The following YAE1 variants were observed in gnomAD, a reference collection of about 807,000 sequenced individuals.
YAE1 encodes protein YAE1 homolog.
YAE1 carries 22 observed loss-of-function variants against 23.0 expected under a neutral mutation model. That is an observed-to-expected ratio of 0.96 (90% CI 0.68 to 1.37). The LOEUF (loss-of-function observed/expected upper bound fraction) is 1.37, where lower values mean the gene tolerates loss of function less well. Ranked by LOEUF, YAE1 falls within the 40% of genes most tolerant of loss-of-function variation. The pLI, the probability that YAE1 is intolerant of heterozygous loss-of-function variation, is 0.00. For synonymous variants in YAE1, 101 were observed against 97.0 expected, an observed-to-expected ratio of 1.04 and a Z score of -0.24; for missense variants, 260 against 262.1, an observed-to-expected ratio of 0.99 and a Z score of 0.06.
chr7:39,576,898 A>G (rs906079629), downstream of YAE1, among the ~76,000 whole-genome samples: 10 of 152,098 alleles, frequency 6.6e-5, no homozygotes, highest in African/African-American at 9.7e-5. Flanking sequence ...TCTTTATGTT[A>G]GCTTTTCTTT....
chr7:39,572,782 C>G lies in YAE1; in HGVS notation c.*76C>G. ...TAACAATCGAAATTTGTACTGGTTT[C>G]TGCATCAAACACCTCAACTGTAGGG... On this transcript the variant is annotated 3_prime_UTR_variant, in exon 3 of 3. Coordinates refer to ENST00000223273, the MANE Select transcript of YAE1 (RefSeq NM_020192.5). The G allele has an allele frequency of 6.7e-7, 1 of 1,497,460 alleles. No homozygotes were observed. The highest frequency in any genetic ancestry group is 8.9e-7 in the Non-Finnish European group (1 of 1,129,502). The allele number at this position is 1,497,460 out of a possible 1,614,324, so 92.8% of individuals were successfully genotyped here. A position where few individuals can be genotyped will look rare whatever the true frequency, so the allele number is the denominator to read the frequency against.
At chr7:39,576,867 C>A (rs1286548231), downstream of YAE1, among the ~76,000 whole-genome samples, 12 of 152,236 alleles carry the variant, frequency 7.9e-5, no homozygotes, top group African/African-American at 2.9e-4. Flanking sequence ...CAAAATACAT[C>A]GTGTTACATT....
intron 2 of YAE1, among the ~76,000 whole-genome samples, chr7:39,589,955 C>T (rs921728240): frequency 6.6e-6 from 1 of 152,164 alleles, no homozygotes; most frequent in East Asian, 1.9e-4. Flanking sequence ...TTCCAAAAAC[C>T]TTGGGACTTA....
intron 2 of YAE1, among the ~76,000 whole-genome samples, chr7:39,587,744 A>G (rs1790840830): frequency 6.6e-6 from 1 of 152,148 alleles, no homozygotes; most frequent in African/African-American, 2.4e-5. Context: ...CTATATTACA[A>G]TCAAGGCCTT....
chr7:39,607,378 C>A (rs368383187), intron 2 of YAE1, among the ~76,000 whole-genome samples: 2 of 152,134 alleles, frequency 1.3e-5, no homozygotes, highest in East Asian at 3.8e-4. Context: ...CACAAGAACC[C>A]TTAAAAGCGG....
intron 2 of YAE1, among the ~76,000 whole-genome samples, chr7:39,588,744 G>A (rs147010593): frequency 1.3e-3 from 200 of 151,918 alleles, no homozygotes; most frequent in Middle Eastern, 6.8e-3. Context: ...TCCCTTGCCT[G>A]CTTCCTTCTG....
At chr7:39,576,772 T>A (rs1790661872), downstream of YAE1, among the ~76,000 whole-genome samples, 1 of 151,948 alleles carries the variant, frequency 6.6e-6, no homozygotes, top group Non-Finnish European at 1.5e-5. Context: ...TGTACATAGA[T>A]GCATAGGTGG....
chr7:39,610,533 T>C (rs1791196713), downstream of YAE1, among the ~76,000 whole-genome samples: 1 of 152,234 alleles, frequency 6.6e-6, no homozygotes, highest in Admixed American at 6.5e-5. Context: ...CAAAAATACC[T>C]GGAGCAGCAG....
intron 2 of YAE1, among the ~76,000 whole-genome samples, chr7:39,589,692 G>A (rs867142696): frequency 1.3e-5 from 2 of 152,092 alleles, no homozygotes; most frequent in Admixed American, 6.6e-5. Flanking sequence ...TGTGCTTTCC[G>A]TAATTAAAGG....
intron 2 of YAE1, among the ~76,000 whole-genome samples, chr7:39,578,507 A>G (rs1237796403): frequency 6.6e-6 from 1 of 152,210 alleles, no homozygotes; most frequent in East Asian, 1.9e-4. Flanking sequence ...GTGAGCTGTA[A>G]CACTCACTGC....
downstream of YAE1, chr7:39,572,993 C>A: frequency 1.5e-6 from 1 of 664,346 alleles, no homozygotes; most frequent in Non-Finnish European, 1.9e-6. Flanking sequence ...GACTCATTAG[C>A]AAAAGTGAAC....
At chr7:39,572,004 A>G (rs13240294) in intron 2 of YAE1, among the ~76,000 whole-genome samples, 53,752 of 152,028 alleles carry the variant, frequency 0.35, 10,013 homozygotes, top group Admixed American at 0.45. Flanking sequence ...ATGTGCATCC[A>G]TGATTGAGAA....
chr7:39,609,449 T>C (rs1246931217), intron 2 of YAE1: 5 of 828,324 alleles, frequency 6.0e-6, no homozygotes, highest in Non-Finnish European at 9.2e-6. Context: ...AGTAATGATG[T>C]TATCAAATTG....
intron 1 of YAE1, 49 bp downstream of exon 1, chr7:39,566,596 C>A: frequency 1.2e-6 from 2 of 1,607,180 alleles, no homozygotes; most frequent in Non-Finnish European, 1.7e-6. Flanking sequence ...GGAAGAGGCG[C>A]GGAGTTGTGA....
At chr7:39,579,039 G>C (rs1361810502) in intron 2 of YAE1, among the ~76,000 whole-genome samples, 1 of 152,194 alleles carries the variant, frequency 6.6e-6, no homozygotes, top group East Asian at 1.9e-4. Flanking sequence ...AGGATCCCTG[G>C]TGCATAGTTC....
At chr7:39,593,527 C>T (rs1281143460) in intron 2 of YAE1, among the ~76,000 whole-genome samples, 1 of 152,138 alleles carries the variant, frequency 6.6e-6, no homozygotes, top group African/African-American at 2.4e-5. Context: ...GGTTTACAGG[C>T]ATGAGCCACT....
At chr7:39,594,797 T>C (rs1790952998) in intron 2 of YAE1, among the ~76,000 whole-genome samples, 1 of 152,118 alleles carries the variant, frequency 6.6e-6, no homozygotes, top group Non-Finnish European at 1.5e-5. Flanking sequence ...GCTTTCACCA[T>C]GTGGGCCAGG....
intron 2 of YAE1, chr7:39,609,477 G>C: frequency 8.9e-7 from 1 of 1,125,646 alleles, no homozygotes; most frequent in Non-Finnish European, 1.2e-6. Flanking sequence ...GGGGAAAGTT[G>C]GGGGGTTGTA....
At chr7:39,600,213 A>C (rs1791036474) in intron 2 of YAE1, among the ~76,000 whole-genome samples, 1 of 152,160 alleles carries the variant, frequency 6.6e-6, no homozygotes. Context: ...TTTGATTATA[A>C]GTGTTATGGT....
Sources: allele counts gnomAD v4.1 joint callset (sites outside exome capture counted in the v4.1 genomes callset), GRCh38; gene constraint gnomAD v4.1.1; transcripts MANE v1.5; gene names NCBI Gene and HGNC (gene_info 2026-07-23, HGNC 2026-07-21).